STXBP5: variants seen among roughly 807,000 people sequenced by gnomAD.
STXBP5 encodes syntaxin-binding protein 5.
Under a neutral mutation model 152.4 loss-of-function variants are expected in STXBP5, and 50 were observed. The ratio of observed to expected loss-of-function variants is 0.33; its 90% CI spans 0.26 to 0.42. The LOEUF is 0.42. Among genes scored for constraint, STXBP5 ranks in the 10% least tolerant of loss-of-function variants. The pLI, the probability that STXBP5 is intolerant of heterozygous loss-of-function variation, is 1.00. For synonymous variants in STXBP5, 492 were observed against 494.7 expected, an observed-to-expected ratio of 0.99 and a Z score of 0.07; for missense variants, 1,167 against 1,388.6, an observed-to-expected ratio of 0.84 and a Z score of 2.54.
Position 147,257,006 on chromosome 6 carries a change from C to T in STXBP5, c.432-3609C>T, listed in dbSNP as rs185542187. Among the ~76,000 whole-genome samples, 8 of 152,082 alleles carry T rather than the reference C, an allele frequency of 5.3e-5. No homozygotes were observed. In the East Asian group the frequency reaches 1.6e-3, roughly 30 times the overall value. On this transcript the variant is annotated intron_variant, in intron 4 of 27. Transcript: ENST00000321680. ...CATAATATTTGACAGGCTGCTGTCA[C>T]AGCTAAATATTATAGCAAATAGGAT...
intron 2 of STXBP5, among the ~76,000 whole-genome samples, chr6:147,229,668 G>A (rs1777896285): frequency 6.6e-6 from 1 of 151,750 alleles, no homozygotes; most frequent in African/African-American, 2.4e-5. Context: ...TTCATTTATA[G>A]ATCATTCATT....
chr6:147,275,074 A>G (rs1780371634), intron 7 of STXBP5, among the ~76,000 whole-genome samples: 1 of 152,186 alleles, frequency 6.6e-6, no homozygotes, highest in Admixed American at 6.5e-5. Flanking sequence ...CTAGAAAATT[A>G]TTCTACAAGA....
At chr6:147,365,888 G>A (rs1453659691) in intron 25 of STXBP5, among the ~76,000 whole-genome samples, 1 of 152,152 alleles carries the variant, frequency 6.6e-6, no homozygotes, top group Non-Finnish European at 1.5e-5. Flanking sequence ...TGGAATAATA[G>A]GAACCAGATT....
intron 27 of STXBP5, among the ~76,000 whole-genome samples, chr6:147,383,863 A>G (rs1215207385): frequency 3.3e-5 from 5 of 152,030 alleles, no homozygotes; most frequent in Admixed American, 1.3e-4. Flanking sequence ...CCTGGAAGAT[A>G]CTTGTCTAGG....
At chr6:147,314,130 A>G in intron 12 of STXBP5, 99 bp downstream of exon 12, 1 of 1,479,126 alleles carries the variant, frequency 6.8e-7, no homozygotes, top group Non-Finnish European at 9.2e-7. Flanking sequence ...TTCTATGGAA[A>G]ATAGGTTAAA....
In STXBP5 at chr6:147,316,391, A is replaced by G; in HGVS notation, c.1786A>G (p.Asn596Asp). ...CAGTTCATCTGATGGGCTTCGTGAT[A>G]ATGTACCTTGTTTAAAGTAAGTTAT... is the stretch of plus-strand genomic sequence containing the variant. ...SSSSSDGLRD[N>D]VPCLKVKNSP... Residue 596 changes from asparagine (N) to aspartate (D), a missense_variant, in exon 16 of 28, where the codon AAT becomes GAT. Coordinates refer to ENST00000321680, the MANE Select transcript of STXBP5 (RefSeq NM_001127715.4). 6.4e-7 allele frequency: 1 copy of G among 1,550,524 alleles called. No individual in the cohort carries two copies. The highest frequency in any genetic ancestry group is 8.7e-7 in the Non-Finnish European group (1 of 1,153,942).
At chr6:147,261,824 CTTAT>C (rs1333025471) in intron 5 of STXBP5, among the ~76,000 whole-genome samples, 1 of 151,492 alleles carries the variant, frequency 6.6e-6, no homozygotes, top group Non-Finnish European at 1.5e-5. Flanking sequence ...CAACCATATT[CTTAT>C]TTGTAGAACT....
chr6:147,221,996 A>C (rs1175326830), intron 2 of STXBP5, among the ~76,000 whole-genome samples: 1 of 151,722 alleles, frequency 6.6e-6, no homozygotes, highest in African/African-American at 2.4e-5. Context: ...CTGTTGAGGT[A>C]TCCTCAGGTT....
At chr6:147,313,670 T>A (rs542215425) in intron 11 of STXBP5, among the ~76,000 whole-genome samples, 1 of 152,186 alleles carries the variant, frequency 6.6e-6, no homozygotes, top group Non-Finnish European at 1.5e-5. Context: ...GTGTATGGCA[T>A]ATGGCATGTA....
At chr6:147,289,076 C>T (rs1039273731) in intron 8 of STXBP5, among the ~76,000 whole-genome samples, 10 of 152,196 alleles carry the variant, frequency 6.6e-5, no homozygotes, top group African/African-American at 9.7e-5. Flanking sequence ...TGGGAAGTTG[C>T]GTCTCCCTGG....
Position 147,313,957 on chromosome 6 carries a change from G to C in STXBP5, c.1219G>C (p.Asp407His), listed in dbSNP as rs1193758467. ...SPVTCCEYFA[D>H]CPVDLIPALY... ...TGTTACATGTTGCGAATATTTTGCG[G>C]ATTGTCCTGTGGACCTTATTCCTGC... The change falls in exon 12 of 28, where the codon GAT becomes CAT. Residue 407 changes from aspartate to histidine, a missense_variant. Coordinates refer to ENST00000321680, the MANE Select transcript of STXBP5 (RefSeq NM_001127715.4). 6.9e-6 allele frequency: 11 copies of C among 1,604,256 alleles called. No individual in the cohort carries two copies. The highest frequency in any genetic ancestry group is 2.2e-5 in the East Asian group (1 of 44,740).
chr6:147,349,645 C>T (rs1312522646), intron 21 of STXBP5, among the ~76,000 whole-genome samples: 2 of 152,148 alleles, frequency 1.3e-5, no homozygotes, highest in East Asian at 3.8e-4. Context: ...CCCATGTACT[C>T]CAGTTGACAC....
At chr6:147,226,031 G>C (rs532709666) in intron 2 of STXBP5, among the ~76,000 whole-genome samples, 4 of 152,094 alleles carry the variant, frequency 2.6e-5, no homozygotes, top group Non-Finnish European at 5.9e-5. Flanking sequence ...GATATGACTG[G>C]AGCGGACATG....
intron 5 of STXBP5, among the ~76,000 whole-genome samples, chr6:147,261,809 C>T (rs1432775797): frequency 6.6e-6 from 1 of 151,798 alleles, no homozygotes. Context: ...CTATAGGCAT[C>T]AGTTCAACCA....
chr6:147,238,769 T>G (rs960296952), intron 3 of STXBP5, among the ~76,000 whole-genome samples: 5 of 152,178 alleles, frequency 3.3e-5, no homozygotes, highest in African/African-American at 1.2e-4. Context: ...AGAATTTGTC[T>G]TAAGCCAAAT....
chr6:147,300,044 G>A (rs1228519412), intron 9 of STXBP5, among the ~76,000 whole-genome samples: 1 of 151,886 alleles, frequency 6.6e-6, no homozygotes, highest in Non-Finnish European at 1.5e-5. Flanking sequence ...AAGAAGTCAA[G>A]AAGACAATCT....
At chr6:147,294,692 A>T (rs1046876235) in intron 9 of STXBP5, among the ~76,000 whole-genome samples, 2 of 152,176 alleles carry the variant, frequency 1.3e-5, no homozygotes, top group Admixed American at 6.5e-5. Flanking sequence ...GTCAAAAAAA[A>T]TTTTTAGATA....
chr6:147,344,446 G>T (rs1784227353), intron 21 of STXBP5, among the ~76,000 whole-genome samples: 2 of 152,168 alleles, frequency 1.3e-5, no homozygotes, highest in African/African-American at 4.8e-5. Flanking sequence ...TAGTTTGTTA[G>T]GACAGCCACC....
chr6:147,326,885 A>G (rs1284479651), intron 17 of STXBP5, among the ~76,000 whole-genome samples: 1 of 152,226 alleles, frequency 6.6e-6, no homozygotes, highest in Non-Finnish European at 1.5e-5. Flanking sequence ...TCCTATGCCA[A>G]ATATTTTTAT....
Sources: allele counts gnomAD v4.1 joint callset (sites outside exome capture counted in the v4.1 genomes callset), GRCh38; gene constraint gnomAD v4.1.1; transcripts MANE v1.5; gene names NCBI Gene and HGNC (gene_info 2026-07-23, HGNC 2026-07-21).